The following GPC6 variants were observed in gnomAD, a reference collection of about 807,000 sequenced individuals.
GPC6 encodes the protein glypican 6.
GPC6 carries 14 observed loss-of-function variants against 55.2 expected under a neutral mutation model. The ratio of observed to expected loss-of-function variants is 0.25; its 90% CI spans 0.17 to 0.40. GPC6 has a LOEUF of 0.40. GPC6 is among the 10% of genes least tolerant of loss of function. The pLI, the probability that GPC6 is intolerant of heterozygous loss-of-function variation, is 1.00. For missense variants in GPC6, 641 were observed against 708.5 expected (o/e 0.90, Z 1.08); for synonymous variants, 278 against 259.6 (o/e 1.07, Z -0.68).
At chr13:93,597,598 G>T (rs897891080) in intron 2 of GPC6, among the ~76,000 whole-genome samples, 4 of 152,050 alleles carry the variant, frequency 2.6e-5, no homozygotes, top group South Asian at 2.1e-4. Flanking sequence ...CTGTAAGACC[G>T]CAAGACCAAC....
intron 1 of GPC6, among the ~76,000 whole-genome samples, chr13:93,261,467 A>G (rs1877145585): frequency 6.6e-6 from 1 of 152,200 alleles, no homozygotes; most frequent in Non-Finnish European, 1.5e-5. Flanking sequence ...CATTTACTTG[A>G]AACAGCTGGG....
chr13:93,974,166 A>G (rs1880416498), intron 3 of GPC6, among the ~76,000 whole-genome samples: 1 of 152,210 alleles, frequency 6.6e-6, no homozygotes, highest in Non-Finnish European at 1.5e-5. Context: ...ACACACAGAC[A>G]GTTTCTCTGA....
chr13:93,497,063 C>T lies in GPC6; in HGVS notation c.161-48200C>T, dbSNP rs538023934. On this transcript the variant is annotated intron_variant, in intron 1 of 8. Coordinates refer to ENST00000377047, the MANE Select transcript of GPC6 (RefSeq NM_005708.5). ...TGCAATGGCTTGTGAGATGATGACA[C>T]TGATGCCCTCGTGCTGCTGCAGCCT... is the stretch of plus-strand genomic sequence containing the variant. Among the ~76,000 whole-genome samples the T allele has an allele frequency of 1.1e-3, 162 of 152,336 alleles. 2 individuals are homozygous for T. The highest frequency in any genetic ancestry group is 1.2e-3 in the Non-Finnish European group (84 of 68,030).
intron 1 of GPC6, among the ~76,000 whole-genome samples, chr13:93,514,747 A>T (rs938998604): frequency 6.6e-6 from 1 of 152,162 alleles, no homozygotes; most frequent in South Asian, 2.1e-4. Flanking sequence ...TCAGACTGGG[A>T]TTTGTTCAGA....
At chr13:94,288,815 ATAAATATATAT>A in intron 5 of GPC6, among the ~76,000 whole-genome samples, 1 of 42,108 alleles carries the variant, frequency 2.4e-5, no homozygotes, top group South Asian at 8.1e-4. Context: ...GTTATATATA[ATAAATATATAT>A]ATTTGTTATA....
chr13:93,379,862 G>T (rs1225588714), intron 1 of GPC6, among the ~76,000 whole-genome samples: 1 of 151,416 alleles, frequency 6.6e-6, no homozygotes, highest in Non-Finnish European at 1.5e-5. Flanking sequence ...ACAAAAAGGT[G>T]CTATCGTCTT....
At chr13:93,694,402 A>G (rs1308983965) in intron 2 of GPC6, among the ~76,000 whole-genome samples, 1 of 152,194 alleles carries the variant, frequency 6.6e-6, no homozygotes, top group Admixed American at 6.5e-5. Flanking sequence ...ATTTTCCCGT[A>G]TAGCTTATTG....
At chr13:94,032,359 G>C (rs1883174622) in intron 4 of GPC6, among the ~76,000 whole-genome samples, 1 of 152,106 alleles carries the variant, frequency 6.6e-6, no homozygotes, top group African/African-American at 2.4e-5. Flanking sequence ...TAGTCAGCGG[G>C]GAGTCAGAGA....
At chr13:93,654,727 C>G (rs1171793072) in intron 2 of GPC6, among the ~76,000 whole-genome samples, 1 of 152,116 alleles carries the variant, frequency 6.6e-6, no homozygotes, top group Non-Finnish European at 1.5e-5. Flanking sequence ...GTTGCTTTCC[C>G]CAATAGAACC....
intron 4 of GPC6, among the ~76,000 whole-genome samples, chr13:94,042,620 T>C (rs1042894501): frequency 5.9e-5 from 9 of 151,850 alleles, no homozygotes; most frequent in African/African-American, 2.2e-4. Context: ...TATTTCTCGA[T>C]TTGGGTTCTT....
chr13:94,020,404 G>A (rs539271061), intron 3 of GPC6, among the ~76,000 whole-genome samples: 11 of 152,072 alleles, frequency 7.2e-5, no homozygotes, highest in Middle Eastern at 3.4e-3. Context: ...ATGCTTTTTC[G>A]ACTGAAATTT....
intron 1 of GPC6, among the ~76,000 whole-genome samples, chr13:93,239,056 T>C (rs971247076): frequency 1.3e-5 from 2 of 152,068 alleles, no homozygotes; most frequent in Non-Finnish European, 2.9e-5. Context: ...TTTTATTTTT[T>C]TGTCGTGTCT....
intron 6 of GPC6, among the ~76,000 whole-genome samples, chr13:94,342,356 C>A (rs1465483760): frequency 6.6e-6 from 1 of 152,138 alleles, no homozygotes; most frequent in African/African-American, 2.4e-5. Flanking sequence ...AATCCAATGA[C>A]TGGCTTCCTA....
At chr13:94,336,808 C>T (rs145902742) in intron 6 of GPC6, among the ~76,000 whole-genome samples, 100 of 152,094 alleles carry the variant, frequency 6.6e-4, no homozygotes, top group African/African-American at 2.1e-3. Flanking sequence ...AAATCATTTG[C>T]GAAGCAGACT....
In GPC6 at chr13:94,171,273, G is replaced by A. The variant is rs578086940; in HGVS notation, c.878-115076G>A. Among the ~76,000 whole-genome samples, 5 of 152,124 alleles carry A rather than the reference G, an allele frequency of 3.3e-5. No homozygotes were observed. In the South Asian group the frequency reaches 6.2e-4, roughly 19 times the overall value. ...TCCTATAGCAAATTTACCCTTACACGCAAGACCATTGAAAACACAGCCAGC... is the reference window on the plus strand; with the variant it reads ...TCCTATAGCAAATTTACCCTTACACACAAGACCATTGAAAACACAGCCAGC... On this transcript the variant is annotated intron_variant, in intron 4 of 8. Transcript: ENST00000377047.
intron 1 of GPC6, among the ~76,000 whole-genome samples, chr13:93,424,360 G>A (rs907572166): frequency 6.6e-6 from 1 of 152,100 alleles, no homozygotes; most frequent in African/African-American, 2.4e-5. Context: ...CTTAGGCAAA[G>A]CAGCTCTCTT....
chr13:93,468,419 C>T (rs1878992207), intron 1 of GPC6, among the ~76,000 whole-genome samples: 2 of 149,178 alleles, frequency 1.3e-5, no homozygotes, highest in South Asian at 4.3e-4. Context: ...TTGTGTAAAG[C>T]ATCCTCATGA....
chr13:93,377,520 G>A (rs898816070), intron 1 of GPC6, among the ~76,000 whole-genome samples: 2 of 152,148 alleles, frequency 1.3e-5, no homozygotes, highest in South Asian at 2.1e-4. Context: ...TGGAAAGGAC[G>A]TTGGTCTTGT....
At chr13:94,160,437 A>G (rs1331605166) in intron 4 of GPC6, among the ~76,000 whole-genome samples, 1 of 152,230 alleles carries the variant, frequency 6.6e-6, no homozygotes. Flanking sequence ...GGCCAGCTAC[A>G]TAATTTTTGA....
Sources: gnomAD v4.1 joint callset for allele counts (sites outside exome capture counted in the v4.1 genomes callset) on GRCh38, gnomAD v4.1.1 for gene constraint, MANE v1.5 for transcripts, NCBI Gene and HGNC (gene_info 2026-07-23, HGNC 2026-07-21) for gene names.